MRC1: variants seen among roughly 807,000 people sequenced by gnomAD.
The protein encoded by MRC1 is mannose receptor C-type 1.
Under a neutral mutation model 102.9 loss-of-function variants are expected in MRC1, and 62 were observed. That is an observed-to-expected ratio of 0.60 (90% CI 0.49 to 0.74). MRC1 has a LOEUF of 0.74. Ranked by LOEUF, MRC1 falls within the 30% of genes least tolerant of loss-of-function variation. The pLI, the probability that MRC1 is intolerant of heterozygous loss-of-function variation, is 0.00. For synonymous variants in MRC1, 457 were observed against 298.4 expected (o/e 1.53, Z -5.48); for missense variants, 1,237 against 862.8 (o/e 1.43, Z -5.43).
intron 17 of MRC1, 50 bp from the exon 18 acceptor site, chr10:17,877,849 TC>T: frequency 1.1e-6 from 1 of 871,234 alleles, no homozygotes; most frequent in Non-Finnish European, 2.0e-6. Context: ...TTTAAGAACT[TC>T]CTGATTGTGT....
At chr10:17,827,517 A>C in intron 2 of MRC1, 25 bp from the exon 3 acceptor site, 2 of 780,526 alleles carry the variant, frequency 2.6e-6, no homozygotes, top group Non-Finnish European at 4.8e-6. Flanking sequence ...TCACATTCCA[A>C]GTTCAAGTCA....
chr10:17,905,725 AATATGGGATACAGGC>A (rs1833886056), intron 26 of MRC1, among the ~76,000 whole-genome samples: 1 of 152,186 alleles, frequency 6.6e-6, no homozygotes, highest in South Asian at 2.1e-4. Context: ...AGAACTCAGT[AATATGGGATACAGGC>A]ATATGGTTAG....
chr10:17,867,116 AC>A (rs1208232921), intron 12 of MRC1, among the ~76,000 whole-genome samples: 4 of 79,500 alleles, frequency 5.0e-5, no homozygotes, highest in East Asian at 8.1e-4. Flanking sequence ...TTACCCCCTT[AC>A]CCTCCCTTCC....
intron 26 of MRC1, 25 bp from the exon 27 acceptor site, chr10:17,906,861 A>C (rs1426856121): frequency 2.6e-6 from 2 of 780,554 alleles, no homozygotes; most frequent in African/African-American, 3.4e-5. Context: ...TGCAGCTATC[A>C]TATTTATCCT....
At chr10:17,832,562 A>G (rs1554839117) in intron 3 of MRC1, among the ~76,000 whole-genome samples, 1 of 147,404 alleles carries the variant, frequency 6.8e-6, no homozygotes, top group Admixed American at 6.7e-5. Flanking sequence ...CTCAAACAAA[A>G]CAAAACAAAC....
At chr10:17,867,305 C>CTTT (rs1833285795) in intron 12 of MRC1, among the ~76,000 whole-genome samples, 2 of 138,434 alleles carry the variant, frequency 1.4e-5, no homozygotes, top group African/African-American at 5.1e-5. Flanking sequence ...GTTCCTTCTT[C>CTTT]CTTCTTCCTC....
intron 9 of MRC1, among the ~76,000 whole-genome samples, chr10:17,859,259 G>A (rs1833143227): frequency 6.6e-6 from 1 of 151,974 alleles, no homozygotes; most frequent in Non-Finnish European, 1.5e-5. Context: ...AGAGCTTTCT[G>A]TTTTATTATG....
intron 6 of MRC1, among the ~76,000 whole-genome samples, chr10:17,846,146 G>A (rs4748423): frequency 0.12 from 18,040 of 151,966 alleles, 1,090 homozygotes; most frequent in Middle Eastern, 0.18. Context: ...GACCTTGGGT[G>A]ATCTACCCAC....
intron 4 of MRC1, among the ~76,000 whole-genome samples, chr10:17,835,569 G>A (rs1219643915): frequency 6.6e-6 from 1 of 152,144 alleles, no homozygotes; most frequent in Non-Finnish European, 1.5e-5. Context: ...GCTGAAAACG[G>A]GGAATGTCTT....
Position 17,824,655 on chromosome 10 carries a change from C to A in MRC1, c.463+1180C>A, listed in dbSNP as rs991376739. ...CTAAGTGAACACAAAAAAAACCTTT[C>A]AGGAGAAACTCAACAGAAAATTACA... On this transcript the variant is annotated intron_variant, in intron 2 of 29. Coordinates refer to ENST00000569591, the MANE Select transcript of MRC1 (RefSeq NM_002438.4). Among the ~76,000 whole-genome samples the A allele has an allele frequency of 2.6e-5, 4 of 152,160 alleles. No individual in the cohort carries two copies. In the East Asian group the frequency reaches 7.7e-4, roughly 29 times the overall value.
intron 21 of MRC1, among the ~76,000 whole-genome samples, chr10:17,881,740 C>T (rs1833521794): frequency 7.0e-6 from 1 of 143,072 alleles, no homozygotes; most frequent in Non-Finnish European, 1.5e-5. Flanking sequence ...CTCACTGCAG[C>T]CTCGAACTCC....
intron 1 of MRC1, among the ~76,000 whole-genome samples, chr10:17,814,580 A>T (rs2130573313): frequency 6.7e-6 from 1 of 149,848 alleles, no homozygotes; most frequent in South Asian, 2.2e-4. Flanking sequence ...CCAGGATTTG[A>T]TTGCAAGCCT....
intron 22 of MRC1, among the ~76,000 whole-genome samples, chr10:17,887,910 C>G (rs1485552010): frequency 1.3e-5 from 2 of 152,188 alleles, no homozygotes; most frequent in East Asian, 1.9e-4. Context: ...TCACGTGATT[C>G]TCCTGCCCCA....
chr10:17,858,721 C>G (rs1489363140), intron 9 of MRC1, among the ~76,000 whole-genome samples: 2 of 152,222 alleles, frequency 1.3e-5, no homozygotes, highest in Non-Finnish European at 2.9e-5. Context: ...CTCCTGACCT[C>G]ATGATCCATC....
chr10:17,886,812 T>A (rs1833603329), intron 22 of MRC1, among the ~76,000 whole-genome samples: 1 of 152,122 alleles, frequency 6.6e-6, no homozygotes, highest in African/African-American at 2.4e-5. Flanking sequence ...AAGAGATACA[T>A]GATGTGTTTG....
chr10:17,880,126 T>A (rs1833493907), intron 19 of MRC1, among the ~76,000 whole-genome samples: 1 of 152,230 alleles, frequency 6.6e-6, no homozygotes, highest in Non-Finnish European at 1.5e-5. Context: ...TCTCTCTGGC[T>A]CCTTATTATT....
intron 3 of MRC1, among the ~76,000 whole-genome samples, chr10:17,829,508 C>G (rs1415489525): frequency 6.6e-6 from 1 of 151,494 alleles, no homozygotes; most frequent in Admixed American, 6.6e-5. Flanking sequence ...TTCTATTTGT[C>G]TCTCTTATGT....
At chr10:17,900,273 C>CCT (rs1243884830) in intron 24 of MRC1, among the ~76,000 whole-genome samples, 30,248 of 151,806 alleles carry the variant, frequency 0.2, 3,935 homozygotes, top group Non-Finnish European at 0.29. Context: ...CATACCCTTA[C>CCT]CTCTCTTCCA....
rs1256426028 is a variant in MRC1, at chr10:17,809,381, G to A, written c.-85G>A. The A allele has an allele frequency of 3.1e-4, 263 of 842,252 alleles. No homozygotes were observed. The highest frequency in any genetic ancestry group is 5.1e-5 in the Non-Finnish European group (24 of 474,270). The allele number at this position is 842,252 out of a possible 1,614,324, so 52.2% of individuals were successfully genotyped here. A position where few individuals can be genotyped will look rare whatever the true frequency, so the allele number is the denominator to read the frequency against. ...CAGCTCTGGGAACTTGGATTAGGTGGAGAGGCAGTTGGGGGGCCTCGTTGT... is the reference window on the plus strand; with the variant it reads ...CAGCTCTGGGAACTTGGATTAGGTGAAGAGGCAGTTGGGGGGCCTCGTTGT... On this transcript the variant is annotated 5_prime_UTR_variant, in exon 1 of 30. Coordinates refer to ENST00000569591, the MANE Select transcript of MRC1 (RefSeq NM_002438.4).
Sources: allele counts gnomAD v4.1 joint callset (sites outside exome capture counted in the v4.1 genomes callset), GRCh38; gene constraint gnomAD v4.1.1; transcripts MANE v1.5; gene names NCBI Gene and HGNC (gene_info 2026-07-23, HGNC 2026-07-21).